SH3PXD2B: variants seen among roughly 807,000 people sequenced by gnomAD.
The protein encoded by SH3PXD2B is SH3 and PX domain-containing protein 2B.
SH3PXD2B carries 37 observed loss-of-function variants against 73.1 expected under a neutral mutation model. The ratio of observed to expected loss-of-function variants is 0.51; its 90% CI spans 0.39 to 0.67. The LOEUF is 0.67. Among genes scored for constraint, SH3PXD2B ranks in the 30% least tolerant of loss-of-function variants. The probability of loss-of-function intolerance (pLI) is 0.00; values close to 1 mark genes in which losing one functional copy is unlikely to be tolerated. For missense variants in SH3PXD2B, 1,053 were observed against 1,197.8 expected (o/e 0.88, Z 1.78); for synonymous variants, 457 against 480.5 (o/e 0.95, Z 0.64).
rs528849676 is a variant in SH3PXD2B at position 172,347,152 on chromosome 5, G to C, written c.1062+131C>G. On this transcript the variant is annotated intron_variant, in intron 11 of 12. Transcript: ENST00000311601. ...AGTGGGACTAGCATTTCTACAGCCTGCTTCACAAGGCTGTTGTGTGGACAG... is the reference window on the plus strand; with the variant it reads ...AGTGGGACTAGCATTTCTACAGCCTCCTTCACAAGGCTGTTGTGTGGACAG... The C allele has an allele frequency of 2.0e-5, 18 of 898,242 alleles. No individual in the cohort carries two copies. In the South Asian group the frequency reaches 2.7e-4, roughly 13 times the overall value. The allele number at this position is 898,242 out of a possible 1,614,324, so 55.6% of individuals were successfully genotyped here.
intron 2 of SH3PXD2B, among the ~76,000 whole-genome samples, chr5:172,406,826 C>T (rs991892044): frequency 6.6e-6 from 1 of 152,168 alleles, no homozygotes; most frequent in Admixed American, 6.5e-5. Flanking sequence ...TAGCTTTGGG[C>T]CTGGCTCTGT....
At chr5:172,331,749 C>T (rs1030437615), downstream of SH3PXD2B, among the ~76,000 whole-genome samples, 2 of 151,440 alleles carry the variant, frequency 1.3e-5, no homozygotes, top group Middle Eastern at 3.2e-3. Flanking sequence ...GTCAGGAGTT[C>T]GAGACCAGCC....
In SH3PXD2B at chr5:172,422,152, A is replaced by C. The variant is rs570735783; in HGVS notation, c.156+264T>G. 2.6e-5 allele frequency among the ~76,000 whole-genome samples: 4 copies of C among 152,026 alleles called. No homozygotes were observed. The East Asian group carries it at 7.7e-4, about 29-fold the overall frequency. ...TGGGATTACAGGCACCCGTCACCGCACCTGGCTAATGTTTGTATTTTTCGT... is the reference window on the plus strand; with the variant it reads ...TGGGATTACAGGCACCCGTCACCGCCCCTGGCTAATGTTTGTATTTTTCGT... On this transcript the variant is annotated intron_variant, in intron 2 of 12. Coordinates refer to ENST00000311601, the MANE Select transcript of SH3PXD2B (RefSeq NM_001017995.3).
At chr5:172,356,002 T>G (rs1231166894) in intron 8 of SH3PXD2B, among the ~76,000 whole-genome samples, 1 of 152,054 alleles carries the variant, frequency 6.6e-6, no homozygotes, top group African/African-American at 2.4e-5. Flanking sequence ...CTACCAGCCT[T>G]TGTCCCCATG....
In SH3PXD2B at chr5:172,346,248, T is replaced by C. The variant is rs1581263832; in HGVS notation, c.1076A>G (p.Asn359Ser). 1.2e-6 allele frequency: 2 copies of C among 1,613,746 alleles called. No homozygotes were observed. The highest frequency in any genetic ancestry group is 1.3e-5 in the African/African-American group (1 of 74,894). The change falls in exon 12 of 13, where the codon AAC becomes AGC. Residue 359 changes from asparagine to serine, a missense_variant. Around this residue, in one of 2 missense-constraint regions of SH3PXD2B, gnomAD observed 466 missense variants for 607.1 expected, o/e 0.77. Transcript: ENST00000311601. ...RRDMTIPRGL[N>S]LPKPPIPPQV... ...GGGCGGGATGGGCGGCTTCGGCAGG[T>C]TGAGGCCTCGAGGCTGGTACGATCA... is the stretch of plus-strand genomic sequence containing the variant.
intron 3 of SH3PXD2B, among the ~76,000 whole-genome samples, chr5:172,404,998 G>A (rs1758519515): frequency 6.6e-6 from 1 of 152,250 alleles, no homozygotes; most frequent in South Asian, 2.1e-4. Flanking sequence ...GGGCTGCTCT[G>A]AGGAGCAAAC....
chr5:172,422,592 C>T (rs1178624575), intron 1 of SH3PXD2B, 96 bp from the exon 2 acceptor site: 30 of 1,213,538 alleles, frequency 2.5e-5, no homozygotes, highest in South Asian at 3.9e-5. Flanking sequence ...GTCAGAAAGA[C>T]GTGGGTTTCA....
At chr5:172,332,636 T>C (rs7727159), downstream of SH3PXD2B, among the ~76,000 whole-genome samples, 98,948 of 151,746 alleles carry the variant, frequency 0.65, 32,459 homozygotes, top group South Asian at 0.84. Flanking sequence ...GCAAGAAGGT[T>C]GTTATATTGT....
intron 1 of SH3PXD2B, among the ~76,000 whole-genome samples, chr5:172,423,953 C>A (rs1168973022): frequency 3.9e-5 from 6 of 152,068 alleles, no homozygotes; most frequent in African/African-American, 1.4e-4. Flanking sequence ...CGCCCTGGGA[C>A]TTTTGCTCCA....
chr5:172,445,022 G>T lies in SH3PXD2B; in HGVS notation c.75+9256C>A, dbSNP rs532778387. Among the ~76,000 whole-genome samples, 37 of 152,224 alleles carry T rather than the reference G, an allele frequency of 2.4e-4. No individual in the cohort carries two copies. The highest frequency in any genetic ancestry group is 3.2e-4 in the Non-Finnish European group (22 of 68,022). On this transcript the variant is annotated intron_variant, in intron 1 of 12. Coordinates refer to ENST00000311601, the MANE Select transcript of SH3PXD2B (RefSeq NM_001017995.3). This position sits in a 1 kb window ranked among gnomAD's most constrained non-coding sequence, Gnocchi z 5.2. ...TTTTTCAAACACGCCATGTGCCAGG[G>T]TTTCCATTTCTTTGCCCTCCTGTTC... is the stretch of plus-strand genomic sequence containing the variant.
intron 3 of SH3PXD2B, among the ~76,000 whole-genome samples, chr5:172,403,301 T>A (rs1758474838): frequency 6.6e-6 from 1 of 152,136 alleles, no homozygotes; most frequent in African/African-American, 2.4e-5. Flanking sequence ...TGCTCTCCCC[T>A]CCCCCGCCTT....
chr5:172,444,747 A>G (rs1316094950), intron 1 of SH3PXD2B, among the ~76,000 whole-genome samples: 1 of 152,066 alleles, frequency 6.6e-6, no homozygotes, highest in Non-Finnish European at 1.5e-5. Flanking sequence ...GGATTCACCC[A>G]TGAAGGGCTC....
chr5:172,332,327 C>CAG (rs1756574250), downstream of SH3PXD2B, among the ~76,000 whole-genome samples: 2 of 150,864 alleles, frequency 1.3e-5, no homozygotes, highest in African/African-American at 2.4e-5. Context: ...GATCACAGCT[C>CAG]ACTGCAGCCT....
Position 172,333,827 on chromosome 5 carries a change from G to A in SH3PXD2B, c.*4542C>T. 2 of 1,287,904 alleles carry A rather than the reference G, an allele frequency of 1.6e-6. No individual in the cohort carries two copies. Among genetic ancestry groups the A allele is most frequent in the South Asian group, 1.2e-5 (1 of 80,562 alleles). 79.8% of individuals were successfully genotyped at this position (1,287,904 alleles called of 1,614,324 possible). On this transcript the variant is annotated 3_prime_UTR_variant, in exon 13 of 13. Transcript: ENST00000311601. Reference sequence around the variant, plus strand: ...GAAGCTCCCCAAAGCAGGAAATGTGGGTTGTAATCAAGGTGGCCACAGTTT... The same window carrying A: ...GAAGCTCCCCAAAGCAGGAAATGTGAGTTGTAATCAAGGTGGCCACAGTTT...
chr5:172,355,248 G>A (rs11948466), intron 8 of SH3PXD2B, among the ~76,000 whole-genome samples: 2,211 of 152,340 alleles, frequency 0.015, 48 homozygotes, highest in African/African-American at 0.05. Flanking sequence ...CACACAGGGC[G>A]TTTATTTATT....
intron 5 of SH3PXD2B, among the ~76,000 whole-genome samples, chr5:172,378,886 C>G (rs1463193053): frequency 1.3e-5 from 2 of 151,832 alleles, no homozygotes; most frequent in Non-Finnish European, 2.9e-5. Flanking sequence ...CTGGCTAACA[C>G]GGTGAAACCC....
At chr5:172,404,543 T>A (rs1581313011) in intron 3 of SH3PXD2B, among the ~76,000 whole-genome samples, 1 of 152,264 alleles carries the variant, frequency 6.6e-6, no homozygotes, top group East Asian at 1.9e-4. Flanking sequence ...CCACTCACCT[T>A]GGCTTCCCAA....
intron 10 of SH3PXD2B, among the ~76,000 whole-genome samples, chr5:172,349,207 A>C (rs1474171026): frequency 1.3e-5 from 2 of 152,262 alleles, no homozygotes; most frequent in Non-Finnish European, 2.9e-5. Flanking sequence ...GCAAAGTACG[A>C]AACTTGGTTG....
chr5:172,351,628 T>G (rs530753034), intron 9 of SH3PXD2B, among the ~76,000 whole-genome samples: 1 of 152,240 alleles, frequency 6.6e-6, no homozygotes, highest in East Asian at 1.9e-4. Flanking sequence ...CTCAGAGTAT[T>G]TTTCCTTGGA....
Sources: gnomAD v4.1 joint callset for allele counts (sites outside exome capture counted in the v4.1 genomes callset) on GRCh38, gnomAD v4.1.1 for gene constraint, gnomAD v4.1.1 regional missense constraint, Gnocchi (gnomAD v3.1) non-coding constraint, MANE v1.5 for transcripts, NCBI Gene and HGNC (gene_info 2026-07-23, HGNC 2026-07-21) for gene names.